DLGAP1: variants seen among roughly 807,000 people sequenced by gnomAD.
DLGAP1 encodes DLG associated protein 1, also known as disks large-associated protein 1.
A neutral mutation model predicts 90.8 loss-of-function variants in DLGAP1; 11 were observed. The ratio of observed to expected loss-of-function variants is 0.12; its 90% confidence interval spans 0.08 to 0.20. The LOEUF (loss-of-function observed/expected upper bound fraction) is 0.20. DLGAP1 is among the 10% of genes least tolerant of loss of function. The pLI is 1.00. For missense variants in DLGAP1, 1,050 were observed against 1,333.8 expected (o/e 0.79, Z 3.31); for synonymous variants, 558 against 540.7 (o/e 1.03, Z -0.44).
At chr18:4,387,530 C>G (rs1352186316) in intron 1 of DLGAP1, among the ~76,000 whole-genome samples, 1 of 152,186 alleles carries the variant, frequency 6.6e-6, no homozygotes, top group Non-Finnish European at 1.5e-5. Context: ...GTCTCTTGCT[C>G]ATAAGAACAA....
At chr18:3,774,960 G>A (rs947796936) in intron 5 of DLGAP1, among the ~76,000 whole-genome samples, 9 of 152,104 alleles carry the variant, frequency 5.9e-5, no homozygotes, top group African/African-American at 4.8e-5. Flanking sequence ...CCTTTCCTGC[G>A]TTTTCACTAA....
chr18:3,570,526 G>A (rs889909493), intron 8 of DLGAP1, among the ~76,000 whole-genome samples: 16 of 151,818 alleles, frequency 1.1e-4, no homozygotes, highest in African/African-American at 3.1e-4. Context: ...TGATCTGCCC[G>A]CCTCAGCCTC....
At position 3,879,709 on chromosome 18, in the gene DLGAP1, G is replaced by T; in HGVS notation, c.360C>A (p.Thr120=). The change falls in exon 4 of 13, where the codon ACC becomes ACA. Residue 120 remains threonine, a synonymous_variant. Coordinates refer to ENST00000315677, the MANE Select transcript of DLGAP1 (RefSeq NM_004746.4). The surrounding 1 kb of genome is among the most constrained non-coding windows in gnomAD (Gnocchi z 6.6). ...CCACGGCCGTGCGCTTGTACTGCAG[G>T]GTGTGATAGCCATCGCGGCTGAGTG... is the stretch of plus-strand genomic sequence containing the variant. ...QLPLSRDGYH[T]LQYKRTAVEH... The T allele has an allele frequency of 6.2e-7, 1 of 1,608,776 alleles. No homozygotes were observed. The highest frequency in any genetic ancestry group is 8.5e-7 in the Non-Finnish European group (1 of 1,179,862).
intron 2 of DLGAP1, among the ~76,000 whole-genome samples, chr18:4,048,388 A>G (rs2075086418): frequency 6.6e-6 from 1 of 152,194 alleles, no homozygotes; most frequent in Admixed American, 6.5e-5. Context: ...ATCTTGTACC[A>G]TATTGATTCT....
intron 7 of DLGAP1, among the ~76,000 whole-genome samples, chr18:3,627,354 C>T (rs963299612): frequency 1.3e-4 from 19 of 150,394 alleles, no homozygotes; most frequent in South Asian, 8.3e-4. Flanking sequence ...AGGCACTGAC[C>T]GAGTCCCAGG....
chr18:3,639,817 C>G (rs1004675319), intron 7 of DLGAP1, among the ~76,000 whole-genome samples: 4 of 132,944 alleles, frequency 3.0e-5, no homozygotes, highest in Non-Finnish European at 4.6e-5. Context: ...TGCAGTGGCG[C>G]GATCTCGGCT....
chr18:4,300,872 G>T (rs1481109904), intron 1 of DLGAP1, among the ~76,000 whole-genome samples: 1 of 152,096 alleles, frequency 6.6e-6, no homozygotes, highest in Admixed American at 6.6e-5. Context: ...CAATGTTAGG[G>T]TTGTTTTGTC....
chr18:3,855,827 G>A (rs1158947607), intron 4 of DLGAP1, among the ~76,000 whole-genome samples: 1 of 152,090 alleles, frequency 6.6e-6, no homozygotes, highest in African/African-American at 2.4e-5. Context: ...TGGCCAGGCT[G>A]GTCTGGAACT....
chr18:4,007,103 A>C (rs2051937974), intron 2 of DLGAP1, among the ~76,000 whole-genome samples: 1 of 152,348 alleles, frequency 6.6e-6, no homozygotes. Flanking sequence ...AGCACTCAAT[A>C]CAAGAATAAC....
chr18:4,333,197 G>A (rs1054569141), intron 1 of DLGAP1, among the ~76,000 whole-genome samples: 6 of 151,978 alleles, frequency 3.9e-5, no homozygotes, highest in African/African-American at 1.5e-4. Flanking sequence ...CGCTAGGTCA[G>A]CTTATGCATT....
In DLGAP1 at chr18:4,251,952, G is replaced by T. The variant is rs576725195; in HGVS notation, c.-266-100665C>A. Among the ~76,000 whole-genome samples the T allele has an allele frequency of 3.0e-4, 45 of 152,344 alleles. 1 individual carries two copies. Among genetic ancestry groups the T allele is most frequent in the African/African-American group, 1.0e-3 (43 of 41,576 alleles). On this transcript the variant is annotated intron_variant, in intron 1 of 12. Transcript: ENST00000315677. ...GATGGGGAGGTAACACCCAGGGATT[G>T]AGCATTTGCTCTGTTCCAGGCACCA...
intron 4 of DLGAP1, among the ~76,000 whole-genome samples, chr18:3,837,094 G>C (rs918535058): frequency 2.0e-5 from 3 of 152,226 alleles, no homozygotes; most frequent in Admixed American, 1.3e-4. Context: ...AAATGGCACA[G>C]GGATTTTGTG....
intron 2 of DLGAP1, among the ~76,000 whole-genome samples, chr18:4,085,630 G>C (rs1191402564): frequency 6.6e-6 from 1 of 152,224 alleles, no homozygotes. Context: ...TTACAAGTCT[G>C]TGTTCCTTTG....
At chr18:3,588,828 C>T (rs537773601) in intron 7 of DLGAP1, among the ~76,000 whole-genome samples, 1 of 151,042 alleles carries the variant, frequency 6.6e-6, no homozygotes, top group South Asian at 2.1e-4. Context: ...GAGAAAACAA[C>T]ACATTCCTAT....
chr18:3,784,227 C>G (rs2065338810), intron 5 of DLGAP1, among the ~76,000 whole-genome samples: 1 of 152,120 alleles, frequency 6.6e-6, no homozygotes, highest in Non-Finnish European at 1.5e-5. Flanking sequence ...TTCCTGTGTG[C>G]TGCATCCTAG....
chr18:4,205,925 G>T (rs1598618341), intron 1 of DLGAP1, among the ~76,000 whole-genome samples: 1 of 152,162 alleles, frequency 6.6e-6, no homozygotes, highest in South Asian at 2.1e-4. Flanking sequence ...TGGGCGTGGG[G>T]GTAGAGGGCC....
chr18:3,548,486 CG>C (rs2053189946), intron 9 of DLGAP1, among the ~76,000 whole-genome samples: 1 of 151,604 alleles, frequency 6.6e-6, no homozygotes, highest in Admixed American at 6.6e-5. Flanking sequence ...TAAAGCTAGC[CG>C]GGCACAGTGG....
chr18:3,602,711 GCCT>G (rs370433420), intron 7 of DLGAP1, among the ~76,000 whole-genome samples: 4 of 151,872 alleles, frequency 2.6e-5, no homozygotes, highest in African/African-American at 9.7e-5. Flanking sequence ...GCACAGCACT[GCCT>G]CCTGGTGCGG....
At chr18:4,054,729 G>A (rs542001641) in intron 2 of DLGAP1, among the ~76,000 whole-genome samples, 1 of 152,258 alleles carries the variant, frequency 6.6e-6, no homozygotes, top group Admixed American at 6.5e-5. Context: ...TTCATATTTG[G>A]TAACATTTAA....
Sources: gnomAD v4.1 joint callset for allele counts (sites outside exome capture counted in the v4.1 genomes callset) on GRCh38, gnomAD v4.1.1 for gene constraint, Gnocchi (gnomAD v3.1) non-coding constraint, MANE v1.5 for transcripts, NCBI Gene and HGNC (gene_info 2026-07-23, HGNC 2026-07-21) for gene names.